The following CCDC81 variants were observed in gnomAD, a reference collection of about 807,000 sequenced individuals.
CCDC81 encodes coiled-coil domain-containing protein 81.
A neutral mutation model predicts 83.7 loss-of-function variants in CCDC81; 79 were observed. That is an observed-to-expected ratio of 0.94 (90% CI 0.79 to 1.14). The LOEUF is 1.14. CCDC81 is among the 50% of genes most tolerant of loss of function. CCDC81 has a pLI of 0.00. For synonymous variants in CCDC81, 252 were observed against 278.1 expected, an observed-to-expected ratio of 0.91 and a Z score of 0.93; for missense variants, 791 against 778.1, an observed-to-expected ratio of 1.02 and a Z score of -0.20.
intron 1 of CCDC81, among the ~76,000 whole-genome samples, chr11:86,382,813 G>A (rs1203118650): frequency 6.6e-6 from 1 of 152,172 alleles, no homozygotes; most frequent in Non-Finnish European, 1.5e-5. Flanking sequence ...AAACCCAAAT[G>A]AGAGTAGTAG....
At chr11:86,414,726 G>A in intron 11 of CCDC81, 63 bp from the exon 12 acceptor site, 2 of 972,154 alleles carry the variant, frequency 2.1e-6, no homozygotes, top group South Asian at 1.5e-5. Flanking sequence ...TTTTGATGAT[G>A]TTAATCCATA....
rs374309849 is a variant in CCDC81, at chr11:86,383,158, CA to C, written c.80-2892del. The stretch of plus-strand genomic sequence containing the variant: ...TATAGTTCTTAGAAGGCCCTGTCAT[CA>C]TTTTACAGATGTGAACTGGGTAAAA... On this transcript the variant is annotated intron_variant, in intron 1 of 14. Coordinates refer to ENST00000445632, the MANE Select transcript of CCDC81 (RefSeq NM_001156474.2). Among the ~76,000 whole-genome samples, 846 of 152,296 alleles carry C rather than the reference CA, an allele frequency of 5.6e-3. 14 individuals are homozygous for C. The highest frequency in any genetic ancestry group is 0.018 in the African/African-American group (737 of 41,572).
At position 86,392,629 on chromosome 11, in the gene CCDC81, G is replaced by A. The variant is rs775327346; in HGVS notation, c.387G>A (p.Glu129=). 2 of 1,551,680 alleles carry A rather than the reference G, an allele frequency of 1.3e-6. No homozygotes were observed. The highest frequency in any genetic ancestry group is 1.2e-5 in the South Asian group (1 of 84,058). Residue 129 remains glutamate, a synonymous_variant, in exon 4 of 15, where the codon GAG becomes GAA. Coordinates refer to ENST00000445632, the MANE Select transcript of CCDC81 (RefSeq NM_001156474.2). ...NRDVVEGCVK[E]TLLFLSRSIS... ...ATGTAGTGGAAGGATGTGTGAAGGAGACGTTGCTTTTTTTATCGCGTTCCA... is the reference window on the plus strand; with the variant it reads ...ATGTAGTGGAAGGATGTGTGAAGGAAACGTTGCTTTTTTTATCGCGTTCCA...
At chr11:86,375,307 C>CG (rs1275252501) in intron 1 of CCDC81, 65 bp downstream of exon 1, 3 of 1,397,706 alleles carry the variant, frequency 2.1e-6, no homozygotes, top group Middle Eastern at 1.9e-4. Flanking sequence ...GCAGGGGAGG[C>CG]GGGGGGACCC....
chr11:86,380,462 A>G (rs573598652), intron 1 of CCDC81, among the ~76,000 whole-genome samples: 8 of 152,180 alleles, frequency 5.3e-5, no homozygotes, highest in African/African-American at 1.9e-4. Context: ...GCTTGGTGTT[A>G]TTTGAGCTTC....
rs773738047 is a variant in CCDC81 at position 86,375,253 on chromosome 11, T to C, written c.79+11T>C. ...CGCTGAGCCAGGAGGGTAAGCGTGT[T>C]GGGTAGCAGGGGGTGGCCCTGGGGA... On this transcript the variant is annotated intron_variant, in intron 1 of 14. Transcript: ENST00000445632. 4 of 1,605,626 alleles carry C rather than the reference T, an allele frequency of 2.5e-6. No individual in the cohort carries two copies. In the African/African-American group the frequency reaches 5.3e-5, roughly 21 times the overall value.
chr11:86,388,391 C>G (rs1225404326), intron 3 of CCDC81, among the ~76,000 whole-genome samples: 1 of 152,140 alleles, frequency 6.6e-6, no homozygotes. Flanking sequence ...TACTTAGCAG[C>G]CTTTGGGTGC....
intron 10 of CCDC81, among the ~76,000 whole-genome samples, chr11:86,409,592 C>T (rs1948610234): frequency 6.6e-6 from 1 of 152,168 alleles, no homozygotes; most frequent in Non-Finnish European, 1.5e-5. Context: ...GCTGGGATTA[C>T]AGGCACCCGC....
chr11:86,384,520 C>G (rs1430424692), intron 1 of CCDC81, among the ~76,000 whole-genome samples: 1 of 152,196 alleles, frequency 6.6e-6, no homozygotes, highest in Non-Finnish European at 1.5e-5. Context: ...TCCACCAAAC[C>G]TGCCCCTTTC....
intron 7 of CCDC81, among the ~76,000 whole-genome samples, chr11:86,404,135 C>T (rs1450513018): frequency 6.6e-6 from 1 of 152,168 alleles, no homozygotes; most frequent in Non-Finnish European, 1.5e-5. Context: ...TTTCTTATTA[C>T]TTCCTCATGT....
intron 3 of CCDC81, 111 bp from the exon 4 acceptor site, chr11:86,392,430 A>G (rs1948343887): frequency 7.9e-7 from 1 of 1,263,264 alleles, no homozygotes; most frequent in African/African-American, 1.5e-5. Flanking sequence ...CATCCAGAAG[A>G]TTCTATTTTA....
chr11:86,403,976 A>C (rs1948529408), intron 7 of CCDC81, among the ~76,000 whole-genome samples: 1 of 152,094 alleles, frequency 6.6e-6, no homozygotes, highest in Non-Finnish European at 1.5e-5. Context: ...CATTATTCAA[A>C]ATAGGGACTA....
intron 7 of CCDC81, among the ~76,000 whole-genome samples, chr11:86,406,311 T>A (rs1041256832): frequency 6.6e-6 from 1 of 152,242 alleles, no homozygotes; most frequent in Non-Finnish European, 1.5e-5. Context: ...GTTGTCATTC[T>A]TTCTTGTAGC....
intron 2 of CCDC81, among the ~76,000 whole-genome samples, chr11:86,386,586 A>C (rs1351426367): frequency 6.6e-6 from 1 of 152,218 alleles, no homozygotes; most frequent in Non-Finnish European, 1.5e-5. Context: ...TTTAGATGCC[A>C]TAGAACTGGA....
At chr11:86,402,949 C>T (rs978464077) in intron 7 of CCDC81, among the ~76,000 whole-genome samples, 1 of 151,966 alleles carries the variant, frequency 6.6e-6, no homozygotes, top group African/African-American at 2.4e-5. Context: ...AGTGATTTTC[C>T]TGCCTCAGAC....
intron 3 of CCDC81, 128 bp downstream of exon 3, chr11:86,387,800 G>A: frequency 1.5e-6 from 1 of 682,830 alleles, no homozygotes; most frequent in Non-Finnish European, 2.4e-6. Context: ...TTCACAAGGT[G>A]CTTTTGGCAG....
At chr11:86,400,900 T>C in intron 7 of CCDC81, 99 bp downstream of exon 7, 1 of 1,290,138 alleles carries the variant, frequency 7.8e-7, no homozygotes. Flanking sequence ...AATTCATTTA[T>C]CCAGTGTTCT....
At chr11:86,403,376 C>T (rs777865600) in intron 7 of CCDC81, among the ~76,000 whole-genome samples, 2 of 151,668 alleles carry the variant, frequency 1.3e-5, no homozygotes, top group African/African-American at 2.4e-5. Context: ...GTTTCTGCAC[C>T]ATTTAGTGCA....
chr11:86,407,467 G>A (rs12574324), intron 7 of CCDC81, 147 bp from the exon 8 acceptor site: 51,175 of 563,882 alleles, frequency 0.091, 2,947 homozygotes, highest in Non-Finnish European at 0.093. Flanking sequence ...AGATTCTGTG[G>A]TACATATTCT....
Sources: allele counts gnomAD v4.1 joint callset (sites outside exome capture counted in the v4.1 genomes callset), GRCh38; gene constraint gnomAD v4.1.1; transcripts MANE v1.5; gene names NCBI Gene and HGNC (gene_info 2026-07-23, HGNC 2026-07-21).